The following HLCS variants were observed in gnomAD, a reference collection of about 807,000 sequenced individuals.
HLCS encodes holocarboxylase synthetase.
Under a neutral mutation model 75.0 loss-of-function variants are expected in HLCS, and 53 were observed. The ratio of observed to expected loss-of-function variants is 0.71; its 90% confidence interval spans 0.57 to 0.89. HLCS has a LOEUF of 0.89. Among genes scored for constraint, HLCS ranks in the 40% least tolerant of loss-of-function variants. HLCS has a pLI of 0.00. For synonymous variants in HLCS, 431 were observed against 428.6 expected (o/e 1.01, Z -0.07); for missense variants, 966 against 1,074.0 (o/e 0.90, Z 1.41).
chr21:36,762,009 G>A (rs747167622), intron 8 of HLCS, among the ~76,000 whole-genome samples: 1 of 152,222 alleles, frequency 6.6e-6, no homozygotes, highest in Non-Finnish European at 1.5e-5. Context: ...TCTCACGCAG[G>A]TAAACAGGAC....
chr21:36,833,096 T>C (rs964284122), intron 6 of HLCS, among the ~76,000 whole-genome samples: 2 of 151,876 alleles, frequency 1.3e-5, no homozygotes, highest in African/African-American at 2.4e-5. Flanking sequence ...AATCAGTCCA[T>C]AGCAGCCTTG....
At chr21:36,763,368 G>C (rs1160171543) in intron 8 of HLCS, among the ~76,000 whole-genome samples, 1 of 152,204 alleles carries the variant, frequency 6.6e-6, no homozygotes, top group East Asian at 1.9e-4. Flanking sequence ...GGTGCTCAAG[G>C]CCGGGCACCT....
At chr21:36,960,465 G>C (rs73901976) in intron 2 of HLCS, among the ~76,000 whole-genome samples, 1,903 of 152,206 alleles carry the variant, frequency 0.013, 44 homozygotes, top group African/African-American at 0.041. Context: ...CTTCAGGAGA[G>C]AACGTACTGT....
In HLCS at chr21:36,759,854, C is replaced by G; in HGVS notation, c.2122-13G>C. 3.9e-6 allele frequency: 6 copies of G among 1,521,868 alleles called. No individual in the cohort carries two copies. The highest frequency in any genetic ancestry group is 4.6e-6 in the Non-Finnish European group (5 of 1,095,834). 94.3% of individuals were successfully genotyped at this position (1,521,868 alleles called of 1,614,324 possible). A position where few individuals can be genotyped will look rare whatever the true frequency, so the allele number is the denominator to read the frequency against. On this transcript the variant is annotated splice_polypyrimidine_tract_variant and intron_variant, in intron 8 of 10. Coordinates refer to ENST00000674895, the MANE Select transcript of HLCS (RefSeq NM_001352514.2). ...GTAAGTTGATATCCTAAAGGGAAAT[C>G]TGCACATTAATTAAGCCGTCACAGG...
intron 6 of HLCS, among the ~76,000 whole-genome samples, chr21:36,811,467 C>T (rs2061507751): frequency 6.6e-6 from 1 of 152,208 alleles, no homozygotes; most frequent in Admixed American, 6.5e-5. Context: ...CTCTGTGCCT[C>T]AAGAACCAAA....
chr21:36,812,128 C>T (rs1368073305), intron 6 of HLCS, among the ~76,000 whole-genome samples: 4 of 152,122 alleles, frequency 2.6e-5, no homozygotes, highest in Non-Finnish European at 2.9e-5. Context: ...CATGAGGAAG[C>T]GCATCCTTCT....
intron 6 of HLCS, among the ~76,000 whole-genome samples, chr21:36,768,344 A>G (rs1235222787): frequency 6.6e-6 from 1 of 152,204 alleles, no homozygotes; most frequent in Non-Finnish European, 1.5e-5. Flanking sequence ...TGCTGAGGAC[A>G]AAGGAGCGCT....
intron 9 of HLCS, chr21:36,759,136 G>A (rs912646977): frequency 4.2e-6 from 2 of 471,008 alleles, no homozygotes; most frequent in African/African-American, 4.0e-5. Context: ...GACCATTGCT[G>A]GTTTCTGAAC....
intron 6 of HLCS, among the ~76,000 whole-genome samples, chr21:36,850,683 C>T (rs999870928): frequency 2.6e-5 from 4 of 152,250 alleles, no homozygotes; most frequent in Middle Eastern, 3.4e-3. Context: ...GGTTTTGGAC[C>T]GTAGCCACCT....
chr21:36,855,236 A>G (rs1462544605), intron 6 of HLCS, among the ~76,000 whole-genome samples: 1 of 152,130 alleles, frequency 6.6e-6, no homozygotes, highest in Non-Finnish European at 1.5e-5. Flanking sequence ...TATAAATCCA[A>G]CTTCAAGAAG....
chr21:36,793,691 AAAAC>A (rs1356263281), intron 6 of HLCS, among the ~76,000 whole-genome samples: 1 of 152,214 alleles, frequency 6.6e-6, no homozygotes, highest in Admixed American at 6.5e-5. Flanking sequence ...TTTTTATATT[AAAAC>A]AAACATGTAC....
At chr21:36,818,080 T>C (rs1487789886) in intron 6 of HLCS, among the ~76,000 whole-genome samples, 2 of 152,210 alleles carry the variant, frequency 1.3e-5, no homozygotes, top group African/African-American at 2.4e-5. Flanking sequence ...AAAGGGAATA[T>C]GAGATCAGCC....
intron 2 of HLCS, among the ~76,000 whole-genome samples, chr21:36,953,362 C>A (rs1271072415): frequency 6.6e-6 from 1 of 152,056 alleles, no homozygotes; most frequent in African/African-American, 2.4e-5. Flanking sequence ...AGCACGGGAG[C>A]CAGACTCTAG....
At chr21:36,958,320 G>T (rs1007423) in intron 2 of HLCS, among the ~76,000 whole-genome samples, 93,430 of 151,738 alleles carry the variant, frequency 0.62, 29,072 homozygotes, top group East Asian at 0.75. Context: ...ACAGCTGGTC[G>T]TCTTCTACCA....
intron 2 of HLCS, among the ~76,000 whole-genome samples, chr21:36,950,530 C>A (rs1456320524): frequency 6.6e-6 from 1 of 151,786 alleles, no homozygotes; most frequent in East Asian, 1.9e-4. Context: ...AGTTCAATAG[C>A]GCAATCAGGA....
At chr21:36,809,564 T>C (rs1240125614) in intron 6 of HLCS, among the ~76,000 whole-genome samples, 1 of 152,162 alleles carries the variant, frequency 6.6e-6, no homozygotes, top group Non-Finnish European at 1.5e-5. Flanking sequence ...TCTGTCATTT[T>C]CCCCCTCTCT....
chr21:36,883,502 G>A (rs893929464), intron 6 of HLCS, among the ~76,000 whole-genome samples: 4 of 152,294 alleles, frequency 2.6e-5, no homozygotes, highest in East Asian at 1.9e-4. Context: ...GAACACTAAC[G>A]TCTAAGAATA....
At chr21:36,766,191 T>C (rs1334637824) in intron 7 of HLCS, among the ~76,000 whole-genome samples, 1 of 152,024 alleles carries the variant, frequency 6.6e-6, no homozygotes, top group Non-Finnish European at 1.5e-5. Context: ...GCCCGGCTGA[T>C]TTTTGTATTT....
chr21:36,875,456 G>T (rs1018619348), intron 6 of HLCS, among the ~76,000 whole-genome samples: 1 of 152,224 alleles, frequency 6.6e-6, no homozygotes, highest in African/African-American at 2.4e-5. Flanking sequence ...CCCGCTGAGA[G>T]CTGGACACAT....
Sources: gnomAD v4.1 joint callset for allele counts (sites outside exome capture counted in the v4.1 genomes callset) on GRCh38, gnomAD v4.1.1 for gene constraint, MANE v1.5 for transcripts, NCBI Gene and HGNC (gene_info 2026-07-23, HGNC 2026-07-21) for gene names.